The following ARMH4 variants were observed in gnomAD, a reference collection of about 807,000 sequenced individuals.
The protein encoded by ARMH4 is armadillo-like helical domain-containing protein 4.
A neutral mutation model predicts 61.9 loss-of-function variants in ARMH4; 49 were observed. That is an observed-to-expected ratio of 0.79 (90% CI 0.63 to 1.00). The LOEUF (loss-of-function observed/expected upper bound fraction) is 1.00. Among genes scored for constraint, ARMH4 ranks in the 50% least tolerant of loss-of-function variants. The pLI is 0.00. For missense variants in ARMH4, 934 were observed against 930.0 expected (o/e 1.00, Z -0.06); for synonymous variants, 368 against 341.5 (o/e 1.08, Z -0.85).
intron 5 of ARMH4, among the ~76,000 whole-genome samples, chr14:58,067,273 G>A (rs1884734479): frequency 6.6e-6 from 1 of 152,184 alleles, no homozygotes; most frequent in African/African-American, 2.4e-5. Flanking sequence ...TGTATTGAGA[G>A]TCTGTTACAT....
chr14:58,051,743 T>A (rs1010646982), intron 5 of ARMH4, among the ~76,000 whole-genome samples: 1 of 152,166 alleles, frequency 6.6e-6, no homozygotes, highest in African/African-American at 2.4e-5. Flanking sequence ...CGGTCTTATA[T>A]GAACTCTCTC....
intron 5 of ARMH4, among the ~76,000 whole-genome samples, chr14:58,095,955 G>C (rs932729756): frequency 6.6e-6 from 1 of 152,172 alleles, no homozygotes; most frequent in Non-Finnish European, 1.5e-5. Context: ...CAAGGGAATA[G>C]GGCCTCAAGG....
intron 5 of ARMH4, among the ~76,000 whole-genome samples, chr14:58,091,969 G>A (rs2096389637): frequency 6.6e-6 from 1 of 152,208 alleles, no homozygotes. Flanking sequence ...CAGAGGCAAT[G>A]CATATGTAAC....
chr14:58,087,410 G>A (rs1008205036), intron 5 of ARMH4, among the ~76,000 whole-genome samples: 5 of 152,132 alleles, frequency 3.3e-5, no homozygotes, highest in African/African-American at 9.7e-5. Context: ...TTAGCTGAGT[G>A]CTCTGGACAT....
At chr14:58,062,425 A>G (rs530691743) in intron 5 of ARMH4, among the ~76,000 whole-genome samples, 1 of 152,312 alleles carries the variant, frequency 6.6e-6, no homozygotes, top group Non-Finnish European at 1.5e-5. Flanking sequence ...ATTAGCTACA[A>G]TGTCTTCCCA....
chr14:58,115,838 G>A (rs1435644104), intron 4 of ARMH4, among the ~76,000 whole-genome samples: 1 of 152,156 alleles, frequency 6.6e-6, no homozygotes, highest in East Asian at 1.9e-4. Flanking sequence ...GCTCTCACTT[G>A]TAAGTGGGAG....
intron 2 of ARMH4, among the ~76,000 whole-genome samples, chr14:58,133,895 T>C (rs1159352671): frequency 6.6e-6 from 1 of 152,178 alleles, no homozygotes. Flanking sequence ...TACAGGGAGA[T>C]AGGTACTAAT....
At chr14:58,051,210 G>C (rs1884130846) in intron 5 of ARMH4, among the ~76,000 whole-genome samples, 1 of 151,946 alleles carries the variant, frequency 6.6e-6, no homozygotes, top group Admixed American at 6.6e-5. Flanking sequence ...AAAATGGTTT[G>C]AAGAGCAGCA....
chr14:58,138,095 T>A lies in ARMH4; in HGVS notation c.1264A>T (p.Thr422Ser). 1.9e-6 allele frequency: 3 copies of A among 1,614,252 alleles called. No homozygotes were observed. The highest frequency in any genetic ancestry group is 2.5e-6 in the Non-Finnish European group (3 of 1,180,036). The change falls in exon 2 of 8, where the codon ACG becomes TCG. Residue 422 changes from threonine (T) to serine (S), a missense_variant. Transcript: ENST00000267485. The stretch of plus-strand genomic sequence containing the variant: ...GCATCGTTTTCCTTGGTGGATTCCG[T>A]GAAGTCTCCCGTACTTTGGAGCAAG... ...VNLLQSTGDF[T>S]ESTKENDALF...
In ARMH4 at chr14:58,138,198, C is replaced by T. The variant is rs577703438; in HGVS notation, c.1161G>A (p.Glu387=). The T allele has an allele frequency of 6.2e-7, 1 of 1,614,192 alleles. No individual in the cohort carries two copies. The highest frequency in any genetic ancestry group is 1.1e-5 in the South Asian group (1 of 91,082). The part of the protein sequence containing the change: ...GTALLIAHGN[E]RSPAFTDQSS... The stretch of plus-strand genomic sequence containing the variant: ...TTTGATCAGTGAAAGCAGGTGATCT[C>T]TCATTCCCATGCGCTATTAGCAGGG... The change falls in exon 2 of 8, where the codon GAG becomes GAA. Residue 387 remains glutamate, a synonymous_variant. Coordinates refer to ENST00000267485, the MANE Select transcript of ARMH4 (RefSeq NM_001001872.4).
chr14:58,040,677 C>A (rs113879533), intron 5 of ARMH4, among the ~76,000 whole-genome samples: 1 of 152,056 alleles, frequency 6.6e-6, no homozygotes, highest in African/African-American at 2.4e-5. Flanking sequence ...TGGGTATATA[C>A]CCAGTAATGG....
intron 4 of ARMH4, among the ~76,000 whole-genome samples, chr14:58,104,288 G>A (rs1886096926): frequency 6.6e-6 from 1 of 152,194 alleles, no homozygotes; most frequent in South Asian, 2.1e-4. Flanking sequence ...AAAGGTCCCT[G>A]ATTTACATGT....
chr14:58,142,847 GCTC>G (rs1429099354), intron 1 of ARMH4, among the ~76,000 whole-genome samples: 4 of 151,908 alleles, frequency 2.6e-5, no homozygotes, highest in Admixed American at 2.6e-4. Context: ...CCTGCATCAA[GCTC>G]CTAAGTAGGT....
At chr14:58,072,715 C>T (rs1884922805) in intron 5 of ARMH4, among the ~76,000 whole-genome samples, 1 of 151,446 alleles carries the variant, frequency 6.6e-6, no homozygotes, top group Admixed American at 6.6e-5. Flanking sequence ...GAGTGAGACT[C>T]CATCTAAAAA....
chr14:58,016,856 G>A (rs1882633352), intron 5 of ARMH4, among the ~76,000 whole-genome samples: 1 of 152,174 alleles, frequency 6.6e-6, no homozygotes, highest in Non-Finnish European at 1.5e-5. Context: ...TATATGACAA[G>A]CCCACAGCTA....
chr14:58,101,231 T>C (rs1212912206), intron 4 of ARMH4: 1 of 152,272 alleles, frequency 6.6e-6, no homozygotes, highest in Non-Finnish European at 1.5e-5. Flanking sequence ...CAAATTGGTA[T>C]CAGGTCTCCA....
chr14:58,077,521 C>T (rs965166674), intron 5 of ARMH4, among the ~76,000 whole-genome samples: 4 of 152,082 alleles, frequency 2.6e-5, no homozygotes, highest in Admixed American at 6.6e-5. Flanking sequence ...GTGGGGGGAC[C>T]GCTTGAGCCT....
intron 5 of ARMH4, among the ~76,000 whole-genome samples, chr14:58,059,815 C>T (rs903331223): frequency 4.6e-5 from 7 of 152,104 alleles, no homozygotes; most frequent in African/African-American, 1.7e-4. Context: ...TATCATCCTT[C>T]GATGTGTGCA....
chr14:58,066,019 C>G (rs1884689518), intron 5 of ARMH4, among the ~76,000 whole-genome samples: 1 of 152,202 alleles, frequency 6.6e-6, no homozygotes, highest in Non-Finnish European at 1.5e-5. Context: ...CCACTGATTC[C>G]TTAAAGCTGA....
Sources: gnomAD v4.1 joint callset for allele counts (sites outside exome capture counted in the v4.1 genomes callset) on GRCh38, gnomAD v4.1.1 for gene constraint, MANE v1.5 for transcripts, NCBI Gene and HGNC (gene_info 2026-07-23, HGNC 2026-07-21) for gene names.